Variants in CAPN2 observed in about 807,000 individuals in gnomAD.
CAPN2 encodes the protein calpain 2.
A neutral mutation model predicts 102.3 loss-of-function variants in CAPN2; 92 were observed. That is an observed-to-expected ratio of 0.90 (90% CI 0.76 to 1.07). The LOEUF is 1.07. Among genes scored for constraint, CAPN2 ranks in the 50% least tolerant of loss-of-function variants. The pLI is 0.00. For missense variants in CAPN2, 800 were observed against 909.4 expected (o/e 0.88, Z 1.55); for synonymous variants, 340 against 355.4 (o/e 0.96, Z 0.49).
At chr1:223,737,655 A>G (rs1397739823) in intron 2 of CAPN2, among the ~76,000 whole-genome samples, 5 of 128,734 alleles carry the variant, frequency 3.9e-5, no homozygotes, top group Non-Finnish European at 7.8e-5. Flanking sequence ...GTATTTACAT[A>G]TGCCTTACCT....
intron 16 of CAPN2, among the ~76,000 whole-genome samples, chr1:223,768,170 G>A (rs569800889): frequency 6.7e-5 from 10 of 149,304 alleles, no homozygotes; most frequent in African/African-American, 2.2e-4. Flanking sequence ...AGTTTCTTTT[G>A]CTGTGCAGAA....
chr1:223,757,626 ACAGGGTTTGGTT>A lies in CAPN2; in HGVS notation c.1317+248_1317+259del, dbSNP rs974527424. ...CTCCCTGTGACCTGGCAGAGCCCAT[ACAGGGTTTGGTT>A]CTGGGCAGAAAATCCATGATCCTGA... On this transcript the variant is annotated intron_variant, in intron 11 of 20. Transcript: ENST00000295006. 3 of 561,326 alleles carry A rather than the reference ACAGGGTTTGGTT, an allele frequency of 5.3e-6. No individual in the cohort carries two copies. In the African/African-American group the frequency reaches 5.6e-5, roughly 11 times the overall value. 34.8% of individuals were successfully genotyped at this position (561,326 alleles called of 1,614,324 possible). A position where few individuals can be genotyped will look rare whatever the true frequency, so the allele number is the denominator to read the frequency against.
At chr1:223,761,063 G>A (rs1661171095) in intron 12 of CAPN2, among the ~76,000 whole-genome samples, 1 of 152,130 alleles carries the variant, frequency 6.6e-6, no homozygotes. Context: ...CCTCTGCACT[G>A]CCCACCTCTC....
In CAPN2 at chr1:223,755,466, C is replaced by T. The variant is rs1661009470; in HGVS notation, c.1136-14C>T. ...TGCTCAGGGCTGGGCTCCTCTGCCC[C>T]TTTCTGGCTGCAGACACATTCTGGA... On this transcript the variant is annotated splice_polypyrimidine_tract_variant and intron_variant, in intron 9 of 20. Coordinates refer to ENST00000295006, the MANE Select transcript of CAPN2 (RefSeq NM_001748.5). The surrounding 1 kb of genome is among the most constrained non-coding windows in gnomAD (Gnocchi z 4.1). 6.2e-7 allele frequency: 1 copy of T among 1,613,574 alleles called. No individual in the cohort carries two copies. The highest frequency in any genetic ancestry group is 1.3e-5 in the African/African-American group (1 of 74,916).
At chr1:223,752,686 T>G in intron 8 of CAPN2, 110 bp from the exon 9 acceptor site, 617 of 979,676 alleles carry the variant, frequency 6.3e-4, no homozygotes, top group Non-Finnish European at 8.6e-4. Flanking sequence ...TCAGTTCTAA[T>G]GAGCTGCTCT....
At chr1:223,702,087 G>GAAGGAAAGAAGGAAGGAAGGA (rs1226979816) in intron 1 of CAPN2, among the ~76,000 whole-genome samples, 2 of 17,482 alleles carry the variant, frequency 1.1e-4, no homozygotes, top group African/African-American at 3.2e-4. Context: ...GGGAGGGAGG[G>GAAGGAAAGAAGGAAGGAAGGA]AGGGAGGAAA....
intron 2 of CAPN2, among the ~76,000 whole-genome samples, chr1:223,723,969 C>T (rs1464476857): frequency 6.6e-6 from 1 of 151,800 alleles, no homozygotes; most frequent in East Asian, 1.9e-4. Context: ...TGACTCTTTG[C>T]CTGTTTGGGT....
chr1:223,721,522 A>C (rs1333439462), intron 2 of CAPN2, among the ~76,000 whole-genome samples: 1 of 152,190 alleles, frequency 6.6e-6, no homozygotes, highest in East Asian at 1.9e-4. Context: ...CAAGGCTGCC[A>C]AGGCTGTTGA....
chr1:223,759,137 C>T lies in CAPN2; in HGVS notation c.1318-133C>T, dbSNP rs566217914. On this transcript the variant is annotated intron_variant, in intron 11 of 20. Coordinates refer to ENST00000295006, the MANE Select transcript of CAPN2 (RefSeq NM_001748.5). The surrounding 1 kb of genome is among the most constrained non-coding windows in gnomAD (Gnocchi z 4.6). Reference sequence around the variant, plus strand: ...CAGGCTGGTTTCTGACGCCTGGCCTCGCCTCCTTATACACCAGGACAGCAG... The same window carrying T: ...CAGGCTGGTTTCTGACGCCTGGCCTTGCCTCCTTATACACCAGGACAGCAG... The T allele has an allele frequency of 1.8e-5, 15 of 814,608 alleles. No individual in the cohort carries two copies. The highest frequency in any genetic ancestry group is 1.4e-4 in the African/African-American group (8 of 58,956). 50.5% of individuals were successfully genotyped at this position (814,608 alleles called of 1,614,324 possible). A position where few individuals can be genotyped will look rare whatever the true frequency, so the allele number is the denominator to read the frequency against.
Position 223,752,833 on chromosome 1 carries a change from C to T in CAPN2, c.1012C>T (p.Leu338=). 1 of 1,614,192 alleles carries T rather than the reference C, an allele frequency of 6.2e-7. No homozygotes were observed. Among genetic ancestry groups the T allele is most frequent in the Non-Finnish European group, 8.5e-7 (1 of 1,180,030 alleles). The change falls in exon 9 of 21, where the codon CTG becomes TTG. Residue 338 remains leucine, a synonymous_variant. Coordinates refer to ENST00000295006, the MANE Select transcript of CAPN2 (RefSeq NM_001748.5). ...TGACTTCCTGAGGCACTATTCCCGC[C>T]TGGAGATCTGTAACCTGACCCCAGA... The part of the protein sequence containing the change: ...FSDFLRHYSR[L]EICNLTPDTL...
Position 223,717,812 on chromosome 1 carries a change from C to T in CAPN2, c.288C>T (p.Asp96=). The T allele has an allele frequency of 1.2e-6, 2 of 1,614,026 alleles. No homozygotes were observed. Among genetic ancestry groups the T allele is most frequent in the African/African-American group, 1.3e-5 (1 of 75,060 alleles). ...QFIIGGATRT[D]ICQGALGDCW... is the part of the protein sequence containing the mutation. ...TCATTGGAGGAGCCACCCGCACAGA[C>T]ATCTGCCAAGGAGCCCTGGGTAAGT... The change falls in exon 2 of 21, where the codon GAC becomes GAT. Residue 96 remains aspartate, a synonymous_variant. Transcript: ENST00000295006.
rs1229810596 is a variant in CAPN2, at chr1:223,755,836, C to A, written c.1305+187C>A. The stretch of plus-strand genomic sequence containing the variant: ...CCGTAGGGAGGCCCCTGCAGTGGCT[C>A]TGGGTTGTGGGGCCTTCTAAGCCCT... On this transcript the variant is annotated intron_variant, in intron 10 of 20. Transcript: ENST00000295006. The surrounding 1 kb of genome is among the most constrained non-coding windows in gnomAD (Gnocchi z 4.1). 2.6e-5 allele frequency among the ~76,000 whole-genome samples: 4 copies of A among 152,214 alleles called. No homozygotes were observed. The highest frequency in any genetic ancestry group is 5.9e-5 in the Non-Finnish European group (4 of 68,036).
chr1:223,770,013 G>C, intron 17 of CAPN2, 104 bp downstream of exon 17: 1 of 993,430 alleles, frequency 1.0e-6, no homozygotes, highest in South Asian at 1.4e-5. Context: ...TTTCCAAGGG[G>C]ATTGGGATTT....
In CAPN2 at chr1:223,741,600, G is replaced by A. The variant is rs185680298; in HGVS notation, c.308-2500G>A. ...CTACCGAATAGCTGGGATTATAGGC[G>A]CATGCCACTATGCCCAGCTAATTTT... On this transcript the variant is annotated intron_variant, in intron 2 of 20. Transcript: ENST00000295006. Among the ~76,000 whole-genome samples, 609 of 151,684 alleles carry A rather than the reference G, an allele frequency of 4.0e-3. 3 individuals carry two copies. The highest frequency in any genetic ancestry group is 7.2e-3 in the Non-Finnish European group (489 of 67,936).
chr1:223,721,635 G>A (rs760311520), intron 2 of CAPN2, among the ~76,000 whole-genome samples: 7 of 152,194 alleles, frequency 4.6e-5, no homozygotes, highest in Non-Finnish European at 8.8e-5. Context: ...GACCCCCAGA[G>A]CACCCACTGG....
rs1659491703 is a variant in CAPN2 at position 223,702,084 on chromosome 1, AGG to A, written c.3+255_3+256del. Among the ~76,000 whole-genome samples the A allele has an allele frequency of 5.2e-5, 2 of 38,688 alleles. 1 individual carries two copies. The highest frequency in any genetic ancestry group is 1.4e-4 in the African/African-American group (2 of 13,950). 25.4% of individuals were successfully genotyped at this position (38,688 alleles called of 152,430 possible). ...AAGGAAGGGAGGGAGGGAGGGAGGG[AGG>A]GAGGGAGGAAAGAAGGAAAGAAGGA... On this transcript the variant is annotated intron_variant, in intron 1 of 20. Coordinates refer to the CAPN2 transcript ENST00000433674.
chr1:223,748,976 G>A, intron 5 of CAPN2, 63 bp from the exon 6 acceptor site: 3 of 1,458,534 alleles, frequency 2.1e-6, no homozygotes, highest in Non-Finnish European at 2.9e-6. Flanking sequence ...GACAGAGGGA[G>A]CGAGGGAGTC....
upstream of CAPN2, among the ~76,000 whole-genome samples, chr1:223,711,674 G>T (rs920524350): frequency 2.6e-5 from 4 of 152,190 alleles, no homozygotes; most frequent in Admixed American, 2.0e-4. Flanking sequence ...GCAGTGGCGC[G>T]ATCTCGTCTC....
chr1:223,755,743 G>T lies in CAPN2; in HGVS notation c.1305+94G>T. ...ACCCCAGAGGCAGAACTGGGGATGGGATCCCAGACCGGGAGCTTGGCCAAG... is the reference window on the plus strand; with the variant it reads ...ACCCCAGAGGCAGAACTGGGGATGGTATCCCAGACCGGGAGCTTGGCCAAG... On this transcript the variant is annotated intron_variant, in intron 10 of 20. Transcript: ENST00000295006. The surrounding 1 kb of genome is among the most constrained non-coding windows in gnomAD (Gnocchi z 4.1). The T allele has an allele frequency of 1.6e-6, 2 of 1,264,406 alleles. No homozygotes were observed. Among genetic ancestry groups the T allele is most frequent in the Non-Finnish European group, 2.1e-6 (2 of 934,008 alleles). The allele number at this position is 1,264,406 out of a possible 1,614,324, so 78.3% of individuals were successfully genotyped here. A position where few individuals can be genotyped will look rare whatever the true frequency, so the allele number is the denominator to read the frequency against.
Sources: allele counts gnomAD v4.1 joint callset (sites outside exome capture counted in the v4.1 genomes callset), GRCh38; gene constraint gnomAD v4.1.1; non-coding constraint Gnocchi (gnomAD v3.1); transcripts MANE v1.5; gene names NCBI Gene and HGNC (gene_info 2026-07-23, HGNC 2026-07-21).